ERC1: variants seen among roughly 807,000 people sequenced by gnomAD.
ERC1 encodes the protein ELKS/RAB6-interacting/CAST family member 1.
A neutral mutation model predicts 132.0 loss-of-function variants in ERC1; 56 were observed. The ratio of observed to expected loss-of-function variants is 0.42; its 90% CI spans 0.34 to 0.53. ERC1 has a LOEUF of 0.53. Ranked by LOEUF, ERC1 falls within the 20% of genes least tolerant of loss-of-function variation. The pLI, the probability that ERC1 is intolerant of heterozygous loss-of-function variation, is 0.03. For missense variants in ERC1, 1,202 were observed against 1,349.9 expected (o/e 0.89, Z 1.72); for synonymous variants, 478 against 476.1 (o/e 1.00, Z -0.05).
chr12:1,219,293 T>G (rs1384021978), intron 12 of ERC1, among the ~76,000 whole-genome samples: 1 of 152,184 alleles, frequency 6.6e-6, no homozygotes, highest in African/African-American at 2.4e-5. Context: ...TTTAGTTAAA[T>G]ATCAAATTTA....
chr12:1,196,840 C>CTCTG (rs1484167225), intron 12 of ERC1, among the ~76,000 whole-genome samples: 1 of 128,848 alleles, frequency 7.8e-6, no homozygotes, highest in Non-Finnish European at 1.7e-5. Flanking sequence ...CTGTCTGTCT[C>CTCTG]TCTGTCTGTC....
At chr12:1,069,389 A>G (rs1939899483) in intron 2 of ERC1, among the ~76,000 whole-genome samples, 1 of 152,154 alleles carries the variant, frequency 6.6e-6, no homozygotes. Flanking sequence ...CAGCGGTTCT[A>G]TTTCTGTGTC....
intron 14 of ERC1, among the ~76,000 whole-genome samples, chr12:1,264,228 T>G (rs1169704414): frequency 6.6e-6 from 1 of 152,190 alleles, no homozygotes; most frequent in Non-Finnish European, 1.5e-5. Context: ...ACATATATCC[T>G]GCATCTTTTA....
At chr12:1,320,632 T>C (rs144000701) in intron 15 of ERC1, among the ~76,000 whole-genome samples, 2,495 of 152,292 alleles carry the variant, frequency 0.016, 30 homozygotes, top group South Asian at 0.025. Context: ...TGCAAGTATA[T>C]CTGCAGGATA....
At chr12:1,063,461 C>A (rs1938454804) in intron 2 of ERC1, among the ~76,000 whole-genome samples, 1 of 152,040 alleles carries the variant, frequency 6.6e-6, no homozygotes, top group Non-Finnish European at 1.5e-5. Flanking sequence ...GGGTTTTCAC[C>A]ATTTTGGCTA....
chr12:1,108,683 A>G (rs1945519422), intron 4 of ERC1, among the ~76,000 whole-genome samples: 1 of 152,202 alleles, frequency 6.6e-6, no homozygotes, highest in Non-Finnish European at 1.5e-5. Flanking sequence ...TGAGTAAATA[A>G]AAATCCTGGT....
Position 1,223,059 on chromosome 12 carries a change from T to G in ERC1, c.2352-13710T>G, listed in dbSNP as rs566395675. 1.2e-4 allele frequency among the ~76,000 whole-genome samples: 19 copies of G among 152,352 alleles called. 1 individual carries two copies. The South Asian group carries it at 3.9e-3, about 32-fold the overall frequency. On this transcript the variant is annotated intron_variant, in intron 12 of 18. Coordinates refer to ENST00000360905, the MANE Select transcript of ERC1 (RefSeq NM_178040.4). ...TTTACGCATTTGTTCAACAAATGTT[T>G]AATGAGCACCTATAAACCACAAGGA...
At chr12:1,275,097 A>C (rs1232450847) in intron 14 of ERC1, among the ~76,000 whole-genome samples, 2 of 152,212 alleles carry the variant, frequency 1.3e-5, no homozygotes, top group Non-Finnish European at 2.9e-5. Context: ...TATATAGGAT[A>C]GTCATGTTAA....
intron 18 of ERC1, among the ~76,000 whole-genome samples, chr12:1,475,364 A>G (rs2093949429): frequency 6.6e-6 from 1 of 152,230 alleles, no homozygotes; most frequent in African/African-American, 2.4e-5. Context: ...ACGAGGCAAT[A>G]TTGGTATACA....
At chr12:1,127,344 AC>A (rs1321015479) in intron 7 of ERC1, among the ~76,000 whole-genome samples, 1 of 152,294 alleles carries the variant, frequency 6.6e-6, no homozygotes, top group East Asian at 1.9e-4. Context: ...GATGTTCACC[AC>A]AGTATTATTT....
chr12:1,464,687 A>G (rs1049243897), intron 18 of ERC1, among the ~76,000 whole-genome samples: 1 of 151,214 alleles, frequency 6.6e-6, no homozygotes, highest in Non-Finnish European at 1.5e-5. Flanking sequence ...CGCCCAGCTA[A>G]TTTTTGTATT....
intron 15 of ERC1, among the ~76,000 whole-genome samples, chr12:1,312,213 A>G (rs143994787): frequency 3.6e-4 from 55 of 152,230 alleles, no homozygotes; most frequent in African/African-American, 1.3e-3. Flanking sequence ...TTTGAAGTTT[A>G]TGCTGCTGTC....
intron 12 of ERC1, among the ~76,000 whole-genome samples, chr12:1,228,891 T>C (rs1247942009): frequency 1.3e-5 from 2 of 152,232 alleles, no homozygotes; most frequent in Non-Finnish European, 2.9e-5. Context: ...GTCCTTTTAA[T>C]GTGCTGTTGA....
intron 8 of ERC1, among the ~76,000 whole-genome samples, chr12:1,158,617 T>G (rs1951613569): frequency 6.6e-6 from 1 of 151,148 alleles, no homozygotes. Flanking sequence ...CTTTTTTTTT[T>G]TTTTTTTATA....
chr12:1,391,295 C>T (rs1464784182), intron 16 of ERC1: 4 of 152,268 alleles, frequency 2.6e-5, no homozygotes, highest in Non-Finnish European at 5.9e-5. Flanking sequence ...CCCACTTGGA[C>T]CCTGCTGACA....
chr12:1,197,599 A>G (rs1362527477), intron 12 of ERC1, among the ~76,000 whole-genome samples: 1 of 152,172 alleles, frequency 6.6e-6, no homozygotes, highest in Non-Finnish European at 1.5e-5. Flanking sequence ...TTTTCTACAC[A>G]TGTGCTTTTT....
intron 18 of ERC1, among the ~76,000 whole-genome samples, chr12:1,466,340 T>C (rs1056507745): frequency 6.6e-6 from 1 of 152,176 alleles, no homozygotes; most frequent in Non-Finnish European, 1.5e-5. Context: ...ATACCAGTCA[T>C]ACTGGATTTG....
chr12:1,429,714 T>C (rs1271008355), intron 17 of ERC1, among the ~76,000 whole-genome samples: 1 of 152,144 alleles, frequency 6.6e-6, no homozygotes. Flanking sequence ...GATTTAGGGG[T>C]TCACAAAGAA....
chr12:1,198,451 G>C (rs1412011635), intron 12 of ERC1, among the ~76,000 whole-genome samples: 3 of 152,196 alleles, frequency 2.0e-5, no homozygotes, highest in Admixed American at 2.0e-4. Context: ...TAGAACTGGA[G>C]ATCAGTTTTG....
Sources: allele counts gnomAD v4.1 joint callset (sites outside exome capture counted in the v4.1 genomes callset), GRCh38; gene constraint gnomAD v4.1.1; transcripts MANE v1.5; gene names NCBI Gene and HGNC (gene_info 2026-07-23, HGNC 2026-07-21).